JMJD1C: variants seen among roughly 807,000 people sequenced by gnomAD.
JMJD1C encodes jumonji domain containing 1C.
In JMJD1C, 31 loss-of-function variants were observed where a neutral mutation model predicts 245.3. That is an observed-to-expected ratio of 0.13 (90% confidence interval 0.09 to 0.17). The LOEUF is 0.17. JMJD1C is among the 10% of genes least tolerant of loss of function. JMJD1C has a pLI of 1.00. For synonymous variants in JMJD1C, 1,057 were observed against 1,017.4 expected (o/e 1.04, Z -0.74); for missense variants, 2,691 against 3,000.2 (o/e 0.90, Z 2.41).
intron 1 of JMJD1C, among the ~76,000 whole-genome samples, chr10:63,440,740 T>C (rs977694198): frequency 3.3e-5 from 5 of 152,164 alleles, no homozygotes; most frequent in South Asian, 4.1e-4. Flanking sequence ...TTACTGACCT[T>C]TATTACTGTA....
Position 63,200,565 on chromosome 10 carries a change from T to C in JMJD1C, c.5187A>G (p.Gln1729=). 5.0e-6 allele frequency: 8 copies of C among 1,614,034 alleles called. No homozygotes were observed. Among genetic ancestry groups the C allele is most frequent in the Non-Finnish European group, 5.9e-6 (7 of 1,179,934 alleles). Reference sequence around the variant, plus strand: ...GAATAAGTCTACATTCTCGACACTTTTGTAAATTAGGCCCTATCTCACAGC... The same window carrying C: ...GAATAAGTCTACATTCTCGACACTTCTGTAAATTAGGCCCTATCTCACAGC... ...DSCCEIGPNL[Q]KCRECRLIRS... Residue 1729 remains glutamine (Q), a synonymous_variant, in exon 11 of 26, where the codon CAA becomes CAG. Transcript: ENST00000399262.
At chr10:63,417,367 T>C (rs958135216) in intron 1 of JMJD1C, among the ~76,000 whole-genome samples, 6 of 152,208 alleles carry the variant, frequency 3.9e-5, no homozygotes, top group Admixed American at 2.0e-4. Flanking sequence ...CCACCCTATG[T>C]AGTTAAATAC....
In JMJD1C at chr10:63,270,700, T is replaced by A. The variant is rs189820614; in HGVS notation, c.334-5936A>T. On this transcript the variant is annotated intron_variant, in intron 2 of 25. Transcript: ENST00000399262. Reference sequence around the variant, plus strand: ...CCAGAATGGTCTGGAACTCCTGAACTTAAGCGATCCACCCACTTCAGTTTC... The same window carrying A: ...CCAGAATGGTCTGGAACTCCTGAACATAAGCGATCCACCCACTTCAGTTTC... 6.4e-4 allele frequency among the ~76,000 whole-genome samples: 98 copies of A among 152,264 alleles called. 1 individual carries two copies. The highest frequency in any genetic ancestry group is 2.3e-3 in the African/African-American group (95 of 41,518).
chr10:63,513,902 G>C (rs1954944767), intron 1 of JMJD1C, among the ~76,000 whole-genome samples: 1 of 151,986 alleles, frequency 6.6e-6, no homozygotes, highest in African/African-American at 2.4e-5. Flanking sequence ...GGCAGGGCAA[G>C]ACTCTAGCTC....
At chr10:63,419,353 CT>C (rs1949982880) in intron 1 of JMJD1C, among the ~76,000 whole-genome samples, 1 of 151,956 alleles carries the variant, frequency 6.6e-6, no homozygotes, top group Non-Finnish European at 1.5e-5. Context: ...CACCATTGCA[CT>C]CCAGCCTGGG....
chr10:63,385,895 A>G (rs1229067652), intron 1 of JMJD1C, among the ~76,000 whole-genome samples: 1 of 151,894 alleles, frequency 6.6e-6, no homozygotes, highest in African/African-American at 2.4e-5. Context: ...GACAATAAAA[A>G]GTAGAAAAAA....
At chr10:63,302,252 T>TA (rs1162565370) in intron 2 of JMJD1C, among the ~76,000 whole-genome samples, 1 of 152,094 alleles carries the variant, frequency 6.6e-6, no homozygotes, top group Non-Finnish European at 1.5e-5. Context: ...ACTCAAGTCA[T>TA]CTCCCACAAA....
intron 1 of JMJD1C, among the ~76,000 whole-genome samples, chr10:63,448,172 T>C (rs1389053848): frequency 6.6e-6 from 1 of 152,168 alleles, no homozygotes; most frequent in Non-Finnish European, 1.5e-5. Flanking sequence ...TTTTATTTTA[T>C]TTGAGATGGA....
At chr10:63,322,678 C>T (rs1241754588) in intron 2 of JMJD1C, among the ~76,000 whole-genome samples, 2 of 151,302 alleles carry the variant, frequency 1.3e-5, no homozygotes, top group Non-Finnish European at 1.5e-5. Flanking sequence ...TGGCGCGCTC[C>T]TGTAGTCCCA....
chr10:63,274,735 T>C (rs1410258942), intron 2 of JMJD1C, among the ~76,000 whole-genome samples: 1 of 152,172 alleles, frequency 6.6e-6, no homozygotes, highest in East Asian at 1.9e-4. Flanking sequence ...CCAGCAAACA[T>C]TGTAGCACAT....
At chr10:63,519,782 A>C (rs918272907) in intron 1 of JMJD1C, among the ~76,000 whole-genome samples, 3 of 152,218 alleles carry the variant, frequency 2.0e-5, no homozygotes, top group African/African-American at 4.8e-5. Context: ...GGTTGGCTGA[A>C]AGAAGAGAGG....
intron 3 of JMJD1C, among the ~76,000 whole-genome samples, chr10:63,246,629 A>G (rs1411866016): frequency 1.3e-5 from 2 of 152,146 alleles, no homozygotes; most frequent in South Asian, 2.1e-4. Flanking sequence ...AATAATGTAC[A>G]AAAAAGAAAA....
intron 2 of JMJD1C, among the ~76,000 whole-genome samples, chr10:63,322,445 T>A (rs1339760275): frequency 1.3e-5 from 2 of 152,186 alleles, no homozygotes; most frequent in African/African-American, 4.8e-5. Context: ...ATTTTAAAGC[T>A]GCTAAATTGT....
Position 63,177,847 on chromosome 10 carries a change from T to C in JMJD1C, c.7094A>G (p.Lys2365Arg). 3 of 1,612,484 alleles carry C rather than the reference T, an allele frequency of 1.9e-6. No individual in the cohort carries two copies. Among genetic ancestry groups the C allele is most frequent in the Non-Finnish European group, 2.5e-6 (3 of 1,179,676 alleles). The change falls in exon 23 of 26, where the codon AAG becomes AGG. Residue 2365 changes from lysine (K) to arginine (R), a missense_variant. Physicochemically the swap from Lys to Arg is conservative, Grantham distance 26. This residue lies in a region of JMJD1C where 232 missense variants were observed against 416.1 expected (regional missense o/e 0.56). Coordinates refer to ENST00000399262, the MANE Select transcript of JMJD1C (RefSeq NM_032776.3). ...ATCCAAATCTTCTTCCTCAAATTTCTTGAGAATTCCTGAAACAAAGGAACA... is the reference window on the plus strand; with the variant it reads ...ATCCAAATCTTCTTCCTCAAATTTCCTGAGAATTCCTGAAACAAAGGAACA... The part of the protein sequence containing the change: ...NGILSKAGIL[K>R]KFEEEDLDDI...
intron 1 of JMJD1C, among the ~76,000 whole-genome samples, chr10:63,425,362 G>T (rs1950378330): frequency 6.6e-6 from 1 of 152,170 alleles, no homozygotes; most frequent in South Asian, 2.1e-4. Context: ...TTCAGTGGTA[G>T]TTTAGATCTT....
At chr10:63,375,191 T>C in intron 2 of JMJD1C, among the ~76,000 whole-genome samples, 1 of 144,498 alleles carries the variant, frequency 6.9e-6, no homozygotes, top group East Asian at 2.0e-4. Context: ...GGCTTTTTTT[T>C]TTTTTTTTTT....
In JMJD1C at chr10:63,513,457, A is replaced by G. The variant is rs1250311688; in HGVS notation, n.113+8281T>C. Reference sequence around the variant, plus strand: ...ACTGCAACAAAAACAAAAATTGACAATTGAGATCTAATTAAACTAAAGAGC... The same window carrying G: ...ACTGCAACAAAAACAAAAATTGACAGTTGAGATCTAATTAAACTAAAGAGC... On this transcript the variant is annotated intron_variant and non_coding_transcript_variant, in intron 1 of 3. Coordinates refer to the JMJD1C transcript ENST00000633035. Among the ~76,000 whole-genome samples the G allele has an allele frequency of 4.6e-5, 7 of 152,350 alleles. 1 individual carries two copies. In the South Asian group the frequency reaches 6.2e-4, roughly 14 times the overall value.
intron 3 of JMJD1C, among the ~76,000 whole-genome samples, chr10:63,229,713 G>C (rs1336660458): frequency 2.0e-5 from 3 of 151,974 alleles, no homozygotes; most frequent in Non-Finnish European, 2.9e-5. Context: ...TTTTTTATTG[G>C]CTAAAAAAGG....
At chr10:63,297,644 G>C (rs1194831015) in intron 2 of JMJD1C, among the ~76,000 whole-genome samples, 1 of 152,120 alleles carries the variant, frequency 6.6e-6, no homozygotes, top group Non-Finnish European at 1.5e-5. Context: ...CAGACCTTGG[G>C]GTTCCCAAAG....
Sources: allele counts gnomAD v4.1 joint callset (sites outside exome capture counted in the v4.1 genomes callset), GRCh38; gene constraint gnomAD v4.1.1; regional missense constraint gnomAD v4.1.1; transcripts MANE v1.5; gene names NCBI Gene and HGNC (gene_info 2026-07-23, HGNC 2026-07-21).